Variants in PRKCA observed in about 807,000 individuals in gnomAD.
PRKCA encodes protein kinase C alpha type.
PRKCA carries 27 observed loss-of-function variants against 87.0 expected under a neutral mutation model. That is an observed-to-expected ratio of 0.31 (90% CI 0.23 to 0.43). The LOEUF is 0.43. Among genes scored for constraint, PRKCA ranks in the 20% least tolerant of loss-of-function variants. The pLI is 1.00. For missense variants in PRKCA, 518 were observed against 852.3 expected (o/e 0.61, Z 4.88); for synonymous variants, 329 against 311.1 (o/e 1.06, Z -0.61).
At chr17:66,784,198 G>A (rs1483738396) in intron 14 of PRKCA, among the ~76,000 whole-genome samples, 1 of 152,106 alleles carries the variant, frequency 6.6e-6, no homozygotes, top group Non-Finnish European at 1.5e-5. Context: ...GCCAGTTCAG[G>A]AGCCTTGAGC....
In PRKCA at chr17:66,497,152, C is replaced by A. The variant is rs542749610; in HGVS notation, c.288+869C>A. ...CCCATGTGTGAACACATAATTTCCT[C>A]TCTTTGTGGACAATTCTGATGGTCT... On this transcript the variant is annotated intron_variant, in intron 3 of 16. Coordinates refer to ENST00000413366, the MANE Select transcript of PRKCA (RefSeq NM_002737.3). Among the ~76,000 whole-genome samples the A allele has an allele frequency of 2.0e-5, 3 of 152,300 alleles. No individual in the cohort carries two copies. In the South Asian group the frequency reaches 6.2e-4, roughly 32 times the overall value.
chr17:66,541,968 TAAC>T (rs1598753196), intron 3 of PRKCA, among the ~76,000 whole-genome samples: 1 of 152,244 alleles, frequency 6.6e-6, no homozygotes, highest in East Asian at 1.9e-4. Context: ...GTAAGGCTGA[TAAC>T]AAGCCACCAC....
In PRKCA at chr17:66,307,811, A is replaced by T. The variant is rs192254457; in HGVS notation, c.205+1684A>T. On this transcript the variant is annotated intron_variant, in intron 2 of 16. Transcript: ENST00000413366. Reference sequence around the variant, plus strand: ...AAATTAAAAAAGTGAAACCCATAAAAATTTTAAACTGTATAAAATAAAAAG... The same window carrying T: ...AAATTAAAAAAGTGAAACCCATAAATATTTTAAACTGTATAAAATAAAAAG... Among the ~76,000 whole-genome samples the T allele has an allele frequency of 3.4e-3, 519 of 152,266 alleles. 1 individual carries two copies. The highest frequency in any genetic ancestry group is 0.012 in the African/African-American group (497 of 41,562).
intron 3 of PRKCA, among the ~76,000 whole-genome samples, chr17:66,555,051 G>C (rs532226215): frequency 6.6e-6 from 1 of 151,926 alleles, no homozygotes; most frequent in African/African-American, 2.4e-5. Flanking sequence ...CCAAGTTTTT[G>C]TATTTTAGTA....
chr17:66,720,002 C>T (rs1598895794), intron 8 of PRKCA, among the ~76,000 whole-genome samples: 1 of 152,210 alleles, frequency 6.6e-6, no homozygotes, highest in Non-Finnish European at 1.5e-5. Flanking sequence ...CCACCATGCC[C>T]CAAACACCAT....
rs1383289815 is a variant in PRKCA at position 66,792,413 on chromosome 17, A to G, written c.1854+3434A>G. Among the ~76,000 whole-genome samples the G allele has an allele frequency of 6.6e-6, 1 of 152,234 alleles. No homozygotes were observed. Among genetic ancestry groups the G allele is most frequent in the Non-Finnish European group, 1.5e-5 (1 of 68,040 alleles). On this transcript the variant is annotated intron_variant, in intron 16 of 16. Transcript: ENST00000413366. The surrounding 1 kb of genome is among the most constrained non-coding windows in gnomAD (Gnocchi z 4.5). ...ACCTCCAATGAAAGAGTCTTCCAGA[A>G]TCACTGACTTCCCTAAGGAGGGTAG...
intron 3 of PRKCA, among the ~76,000 whole-genome samples, chr17:66,634,135 A>G (rs970728679): frequency 2.0e-5 from 3 of 152,262 alleles, no homozygotes; most frequent in African/African-American, 4.8e-5. Flanking sequence ...TTAAGTTGCT[A>G]CATTATAAAA....
chr17:66,490,565 C>T (rs1232329170), intron 2 of PRKCA, among the ~76,000 whole-genome samples: 1 of 151,668 alleles, frequency 6.6e-6, no homozygotes, highest in Non-Finnish European at 1.5e-5. Flanking sequence ...AGGATGATCT[C>T]GATCTCCTGT....
At position 66,452,117 on chromosome 17, in the gene PRKCA, G is replaced by C. The variant is rs183004097; in HGVS notation, c.206-44084G>C. 6.6e-3 allele frequency among the ~76,000 whole-genome samples: 1,004 copies of C among 152,258 alleles called. 31 individuals are homozygous for C. The highest frequency in any genetic ancestry group is 0.056 in the Admixed American group (858 of 15,302). On this transcript the variant is annotated intron_variant, in intron 2 of 16. Transcript: ENST00000413366. ...CAGGGTGCGTCCAAGCTGACCCAGC[G>C]AACCAAGACATCAGGTGACCCTCCA...
At chr17:66,375,791 A>C (rs117189875) in intron 2 of PRKCA, among the ~76,000 whole-genome samples, 1,902 of 152,068 alleles carry the variant, frequency 0.013, 11 homozygotes, top group South Asian at 0.029. Context: ...GCTCATAAAC[A>C]CTCTGGTTCA....
intron 3 of PRKCA, among the ~76,000 whole-genome samples, chr17:66,562,579 A>C (rs571683514): frequency 1.4e-5 from 2 of 139,550 alleles, no homozygotes; most frequent in East Asian, 4.2e-4. Flanking sequence ...ATAATAGCTA[A>C]GTTTTGTTTT....
intron 3 of PRKCA, among the ~76,000 whole-genome samples, chr17:66,616,411 G>A (rs992617429): frequency 1.3e-5 from 2 of 152,186 alleles, no homozygotes; most frequent in Non-Finnish European, 2.9e-5. Context: ...GATGAGTGAG[G>A]TGCAATGGTG....
chr17:66,311,577 A>G (rs1160539923), intron 2 of PRKCA, among the ~76,000 whole-genome samples: 4 of 152,188 alleles, frequency 2.6e-5, no homozygotes, highest in Middle Eastern at 3.2e-3. Context: ...TGATCGTGCC[A>G]CTGCATTCCA....
chr17:66,474,071 T>C (rs1489356548), intron 2 of PRKCA, among the ~76,000 whole-genome samples: 2 of 152,232 alleles, frequency 1.3e-5, no homozygotes, highest in Non-Finnish European at 2.9e-5. Context: ...AATAAAATCA[T>C]TTATGAAGAA....
chr17:66,390,251 G>C (rs563214891), intron 2 of PRKCA, among the ~76,000 whole-genome samples: 13 of 152,050 alleles, frequency 8.5e-5, no homozygotes, highest in African/African-American at 3.1e-4. Flanking sequence ...CATGAAGAGT[G>C]GACCTTTTTG....
intron 2 of PRKCA, among the ~76,000 whole-genome samples, chr17:66,307,418 A>AAGATGTAAGG (rs1183696255): frequency 7.9e-5 from 12 of 152,128 alleles, no homozygotes; most frequent in African/African-American, 2.4e-4. Flanking sequence ...AGGGAGTTTA[A>AAGATGTAAGG]AGATGTAAGG....
At chr17:66,652,712 T>C (rs1598846861) in intron 5 of PRKCA, among the ~76,000 whole-genome samples, 1 of 152,192 alleles carries the variant, frequency 6.6e-6, no homozygotes, top group East Asian at 1.9e-4. Flanking sequence ...ATGATATCTA[T>C]GTCTGAAGCT....
Position 66,741,709 on chromosome 17 carries a change from G to A in PRKCA, c.1373G>A (p.Gly458Glu). Residue 458 changes from glycine to glutamate, a missense_variant, in exon 12 of 17, where the codon GGA (glycine) becomes GAA (glutamate). Coordinates refer to ENST00000413366, the MANE Select transcript of PRKCA (RefSeq NM_002737.3). ...SIGLFFLHKR[G>E]IIYRDLKLDN... ...GGATTGTTCTTTCTTCATAAAAGAG[G>A]AATCATTTATAGGTGTGTATTGAAG... 1.2e-6 allele frequency: 2 copies of A among 1,614,134 alleles called. No homozygotes were observed. The highest frequency in any genetic ancestry group is 8.5e-7 in the Non-Finnish European group (1 of 1,179,990).
chr17:66,783,080 G>A (rs769736935), intron 14 of PRKCA, among the ~76,000 whole-genome samples: 2 of 152,204 alleles, frequency 1.3e-5, no homozygotes, highest in Non-Finnish European at 2.9e-5. Flanking sequence ...GAGGAGCAGA[G>A]ACATGTCCCC....
Sources: allele counts gnomAD v4.1 joint callset (sites outside exome capture counted in the v4.1 genomes callset), GRCh38; gene constraint gnomAD v4.1.1; non-coding constraint Gnocchi (gnomAD v3.1); transcripts MANE v1.5; gene names NCBI Gene and HGNC (gene_info 2026-07-23, HGNC 2026-07-21).